SLC66A1: variants seen among roughly 807,000 people sequenced by gnomAD.
The protein encoded by SLC66A1 is solute carrier family 66 member 1.
Under a neutral mutation model 33.0 loss-of-function variants are expected in SLC66A1, and 23 were observed. That is an observed-to-expected ratio of 0.70 (90% CI 0.50 to 0.99). SLC66A1 has a LOEUF of 0.99. Ranked by LOEUF, SLC66A1 falls within the 50% of genes least tolerant of loss-of-function variation. The pLI is 0.00. For synonymous variants in SLC66A1, 164 were observed against 175.5 expected, an observed-to-expected ratio of 0.93 and a Z score of 0.52; for missense variants, 335 against 383.6, an observed-to-expected ratio of 0.87 and a Z score of 1.06.
chr1:19,314,988 A>T (rs1248754846), intron 1 of SLC66A1, among the ~76,000 whole-genome samples: 1 of 151,884 alleles, frequency 6.6e-6, no homozygotes, highest in Non-Finnish European at 1.5e-5. Context: ...GCTCACTGCA[A>T]CCTCTGCCTC....
chr1:19,327,293 C>T lies in SLC66A1; in HGVS notation c.685C>T (p.Leu229=). The part of the protein sequence containing the change: ...LFALVMLGNT[L]YGLSVLLKNP... ...CGCGCTGGTGATGCTGGGGAACACGCTGTATGGGCTGAGCGTGCTGCTCAA... is the reference window on the plus strand; with the variant it reads ...CGCGCTGGTGATGCTGGGGAACACGTTGTATGGGCTGAGCGTGCTGCTCAA... The change falls in exon 7 of 8, where the codon CTG becomes TTG. Residue 229 remains leucine (L), a synonymous_variant. Transcript: ENST00000375153. 1 of 1,613,816 alleles carries T rather than the reference C, an allele frequency of 6.2e-7. No individual in the cohort carries two copies. The highest frequency in any genetic ancestry group is 8.5e-7 in the Non-Finnish European group (1 of 1,179,880).
At chr1:19,327,605 G>A (rs1225093095) in intron 7 of SLC66A1, 193 bp downstream of exon 7, 6 of 758,000 alleles carry the variant, frequency 7.9e-6, no homozygotes, top group Middle Eastern at 2.2e-4. Flanking sequence ...GCACCCAGCT[G>A]GACCCTGGAG....
At chr1:19,320,535 T>C (rs2093829661) in intron 2 of SLC66A1, among the ~76,000 whole-genome samples, 1 of 148,446 alleles carries the variant, frequency 6.7e-6, no homozygotes. Flanking sequence ...TGCCTCAGCC[T>C]CCCGAGTAGC....
In SLC66A1 at chr1:19,316,353, T is replaced by TTGTGTGTG. The variant is rs36226389; in HGVS notation, c.-78-1213_-78-1206dup. ...TCTGTGTGGGGCAACTCTTTATGGT[T>TTGTGTGTG]TGTGTGTGTGTGTGTGTGTGTGTGT... On this transcript the variant is annotated intron_variant, in intron 1 of 7. Coordinates refer to ENST00000375153, the MANE Select transcript of SLC66A1 (RefSeq NM_001040125.2). Among the ~76,000 whole-genome samples, 1,298 of 144,904 alleles carry TTGTGTGTG rather than the reference T, an allele frequency of 9.0e-3. 20 individuals carry two copies. Among genetic ancestry groups the TTGTGTGTG allele is most frequent in the South Asian group, 0.052 (234 of 4,508 alleles).
chr1:19,327,542 T>TCCCTCCCTCCCC, intron 7 of SLC66A1, 130 bp downstream of exon 7: 2 of 841,700 alleles, frequency 2.4e-6, no homozygotes, highest in Admixed American at 3.5e-5. Flanking sequence ...CCTCCCTCCC[T>TCCCTCCCTCCCC]CCCTCCCTCC....
At position 19,327,382 on chromosome 1, in the gene SLC66A1, C is replaced by G. The variant is rs752709168; in HGVS notation, c.774C>G (p.Gly258=). ...YLLHHLPWLV[G]SLGVLLLDTI... is the part of the protein sequence containing the mutation. ...TGCACCACCTGCCCTGGCTTGTGGG[C>G]AGCCTGGGCGTGCTGCTGCTCGACA... Residue 258 remains glycine, a synonymous_variant, in exon 7 of 8, where the codon GGC becomes GGG. Transcript: ENST00000375153. 2 of 1,601,904 alleles carry G rather than the reference C, an allele frequency of 1.2e-6. No individual in the cohort carries two copies.
chr1:19,332,320 G>C (rs1478672187), downstream of SLC66A1, among the ~76,000 whole-genome samples: 1 of 152,188 alleles, frequency 6.6e-6, no homozygotes, highest in Non-Finnish European at 1.5e-5. Context: ...CAACAACACT[G>C]TCTGCCTCAG....
Position 19,326,342 on chromosome 1 carries a change from A to T in SLC66A1, c.480A>T (p.Glu160Asp). The change falls in exon 5 of 8, where the codon GAA (glutamate) becomes GAT (aspartate). Residue 160 changes from glutamate to aspartate, a missense_variant. Transcript: ENST00000375153. Reference protein sequence around the residue: ...SAAGPVAAPREAFRGRALLSV... With the variant: ...SAAGPVAAPRDAFRGRALLSV... Reference sequence around the variant, plus strand: ...CTGGGCCCGTGGCTGCCCCTAGGGAAGCCTTCCGGGGGCGGGCGCTCCTGT... The same window carrying T: ...CTGGGCCCGTGGCTGCCCCTAGGGATGCCTTCCGGGGGCGGGCGCTCCTGT... The T allele has an allele frequency of 6.2e-7, 1 of 1,606,942 alleles. No homozygotes were observed. Among genetic ancestry groups the T allele is most frequent in the Non-Finnish European group, 8.5e-7 (1 of 1,179,618 alleles).
rs369136459 is a variant in SLC66A1 at position 19,326,616 on chromosome 1, G to C, written c.611G>C (p.Arg204Pro). 1 of 1,614,042 alleles carries C rather than the reference G, an allele frequency of 6.2e-7. No homozygotes were observed. The highest frequency in any genetic ancestry group is 8.5e-7 in the Non-Finnish European group (1 of 1,179,940). ...LYLLSRLPQI[R>P]TNFLRKSTQG... ...CTGCTTTCCCGGCTGCCTCAGATCC[G>C]CACCAACGTGAGCCTCCAGCAGGGG... Residue 204 changes from arginine (R) to proline (P), a missense_variant, in exon 6 of 8, where the codon CGC (arginine) becomes CCC (proline). Physicochemically the swap from Arg to Pro is moderately radical, Grantham distance 103 (BLOSUM62 -2). Transcript: ENST00000375153.
intron 1 of SLC66A1, among the ~76,000 whole-genome samples, chr1:19,313,567 G>A (rs1049627620): frequency 8.6e-5 from 13 of 151,548 alleles, no homozygotes; most frequent in Non-Finnish European, 1.6e-4. Context: ...CAGCTCTCAT[G>A]GGGCATCTTT....
At chr1:19,320,604 AC>A (rs1381176161) in intron 2 of SLC66A1, among the ~76,000 whole-genome samples, 6 of 149,886 alleles carry the variant, frequency 4.0e-5, no homozygotes, top group Non-Finnish European at 7.4e-5. Context: ...TTTAGTAGAG[AC>A]GGGGTTTCAC....
chr1:19,333,441 C>A (rs1171144590), downstream of SLC66A1, among the ~76,000 whole-genome samples: 1 of 152,142 alleles, frequency 6.6e-6, no homozygotes, highest in Admixed American at 6.6e-5. This position sits in a 1 kb window ranked among gnomAD's most constrained non-coding sequence, Gnocchi z 4.2. Flanking sequence ...CTCAGCCTCC[C>A]AAATTTGCTG....
chr1:19,329,278 G>A lies in SLC66A1; in HGVS notation c.*635G>A, dbSNP rs183549516. On this transcript the variant is annotated 3_prime_UTR_variant, in exon 8 of 8. Transcript: ENST00000375153. ...TCTCAAAAAAATAAAAAAGATAACC[G>A]AGGAAACGGTACCTCCCCATGAGAC... 74 of 152,884 alleles carry A rather than the reference G, an allele frequency of 4.8e-4. No homozygotes were observed. The East Asian group carries it at 5.2e-3, about 11-fold the overall frequency. 9.5% of individuals were successfully genotyped at this position (152,884 alleles called of 1,614,324 possible).
At chr1:19,327,553 C>CCCCCCCCCCCCCCCCCCCCTTT in intron 7 of SLC66A1, 141 bp downstream of exon 7, 1 of 1,061,354 alleles carries the variant, frequency 9.4e-7, no homozygotes, top group Non-Finnish European at 1.4e-6. Context: ...CCCTCCCTCC[C>CCCCCCCCCCCCCCCCCCCCTTT]TCCATCTGTT....
intron 4 of SLC66A1, 66 bp downstream of exon 4, chr1:19,325,648 C>T (rs1214853827): frequency 2.4e-6 from 3 of 1,227,414 alleles, no homozygotes; most frequent in South Asian, 2.6e-5. Context: ...TGGGGGGGGG[C>T]GCCTGGAGTG....
At chr1:19,327,589 TGC>T in intron 7 of SLC66A1, 177 bp downstream of exon 7, 1 of 772,474 alleles carries the variant, frequency 1.3e-6, no homozygotes, top group Non-Finnish European at 2.1e-6. Flanking sequence ...ACCTCCTGTG[TGC>T]CAGGCACCCA....
In SLC66A1 at chr1:19,327,283, G is replaced by A. The variant is rs1388732634; in HGVS notation, c.675G>A (p.Leu225=). Residue 225 remains leucine (L), a synonymous_variant, in exon 7 of 8, where the codon CTG becomes CTA. Coordinates refer to ENST00000375153, the MANE Select transcript of SLC66A1 (RefSeq NM_001040125.2). ...ACTCTCTGTTCGCGCTGGTGATGCT[G>A]GGGAACACGCTGTATGGGCTGAGCG... ...ISYSLFALVM[L]GNTLYGLSVL... The A allele has an allele frequency of 6.2e-7, 1 of 1,613,926 alleles. No individual in the cohort carries two copies. The highest frequency in any genetic ancestry group is 8.5e-7 in the Non-Finnish European group (1 of 1,179,914).
At chr1:19,313,391 C>G (rs2093788165) in intron 1 of SLC66A1, among the ~76,000 whole-genome samples, 1 of 152,204 alleles carries the variant, frequency 6.6e-6, no homozygotes, top group Non-Finnish European at 1.5e-5. Flanking sequence ...CTCACTGTCT[C>G]TCAACATTTG....
Position 19,328,981 on chromosome 1 carries a change from G to T in SLC66A1, c.*338G>T. The T allele has an allele frequency of 2.6e-6, 1 of 383,118 alleles. No homozygotes were observed. 23.7% of individuals were successfully genotyped at this position (383,118 alleles called of 1,614,324 possible). A position where few individuals can be genotyped will look rare whatever the true frequency, so the allele number is the denominator to read the frequency against. On this transcript the variant is annotated 3_prime_UTR_variant, in exon 8 of 8. Transcript: ENST00000375153. The surrounding 1 kb of genome is among the most constrained non-coding windows in gnomAD (Gnocchi z 4.7). Reference sequence around the variant, plus strand: ...CCAGACAACTGAATAAACAGGCCGGGTACAGTGGCTCGCACCTGTAATCCT... The same window carrying T: ...CCAGACAACTGAATAAACAGGCCGGTTACAGTGGCTCGCACCTGTAATCCT...
Sources: allele counts gnomAD v4.1 joint callset (sites outside exome capture counted in the v4.1 genomes callset), GRCh38; gene constraint gnomAD v4.1.1; non-coding constraint Gnocchi (gnomAD v3.1); transcripts MANE v1.5; gene names NCBI Gene and HGNC (gene_info 2026-07-23, HGNC 2026-07-21).